The following GTF2I variants were observed in gnomAD, a reference collection of about 807,000 sequenced individuals.
GTF2I encodes general transcription factor IIi.
A neutral mutation model predicts 67.6 loss-of-function variants in GTF2I; 12 were observed. The ratio of observed to expected loss-of-function variants is 0.18; its 90% CI spans 0.11 to 0.29. GTF2I has a LOEUF of 0.29. Ranked by LOEUF, GTF2I falls within the 10% of genes least tolerant of loss-of-function variation. The pLI is 1.00. For missense variants in GTF2I, 271 were observed against 580.1 expected (o/e 0.47, Z 5.47); for synonymous variants, 149 against 197.0 (o/e 0.76, Z 2.04).
At chr7:74,698,464 G>C (rs1584178821) in intron 3 of GTF2I, among the ~76,000 whole-genome samples, 1 of 141,846 alleles carries the variant, frequency 7.0e-6, no homozygotes, top group Admixed American at 7.5e-5. Context: ...GGAGTGCTGT[G>C]GTATGTTCTC....
chr7:74,705,208 C>A lies in GTF2I; in HGVS notation c.631C>A (p.Pro211Thr), dbSNP rs1554401032. The change falls in exon 7 of 35, where the codon CCA becomes ACA. Residue 211 changes from proline to threonine, a missense_variant. Around this residue, in one of 9 missense-constraint regions of GTF2I, gnomAD observed 124 missense variants for 147.0 expected, o/e 0.84. Coordinates refer to ENST00000573035, the MANE Select transcript of GTF2I (RefSeq NM_032999.4). ...VTDADRSILSPGGSCGPIKVK... is the reference protein window; with the variant it reads ...VTDADRSILSTGGSCGPIKVK... ...AGATGCTGACAGGTCAATACTATCT[C>A]CAGGTGGAAGGTAAAACCTAATTTC... is the stretch of plus-strand genomic sequence containing the variant. 1 of 1,595,486 alleles carries A rather than the reference C, an allele frequency of 6.3e-7. No homozygotes were observed. The highest frequency in any genetic ancestry group is 8.6e-7 in the Non-Finnish European group (1 of 1,163,734).
intron 1 of GTF2I, among the ~76,000 whole-genome samples, chr7:74,675,017 C>T (rs1805775485): frequency 6.6e-6 from 1 of 151,602 alleles, no homozygotes; most frequent in African/African-American, 2.4e-5. Flanking sequence ...CACACCCAGC[C>T]AATTTTTGTA....
At chr7:74,701,386 T>C (rs1789721705) in intron 6 of GTF2I, among the ~76,000 whole-genome samples, 1 of 152,216 alleles carries the variant, frequency 6.6e-6, no homozygotes, top group African/African-American at 2.4e-5. Context: ...AACCTTTGTC[T>C]TATTCTCATT....
Position 74,718,896 on chromosome 7 carries a change from C to A in GTF2I, c.898C>A (p.Pro300Thr). 6.4e-7 allele frequency: 1 copy of A among 1,554,230 alleles called. No homozygotes were observed. ...VPAEDSTQHV[P>T]SETSEDPEVE... ...TTTTCAAGATTCTACTCAACATGTC[C>A]CTTCAGAAACAAGTGAGGACCCTGA... Residue 300 changes from proline to threonine, a missense_variant, in exon 12 of 35, where the codon CCT becomes ACT. Physicochemically the swap from Pro to Thr is conservative, Grantham distance 38. This residue lies in a region of GTF2I where 124 missense variants were observed against 147.0 expected (regional missense o/e 0.84). Transcript: ENST00000573035.
chr7:74,698,389 C>CTT (rs67968753), intron 3 of GTF2I, among the ~76,000 whole-genome samples: 7 of 55,890 alleles, frequency 1.3e-4, no homozygotes, highest in Non-Finnish European at 2.0e-4. Flanking sequence ...CGCACCTGGC[C>CTT]TTTTTTTTTT....
At chr7:74,683,167 CAT>C (rs1442233665) in intron 1 of GTF2I, among the ~76,000 whole-genome samples, 1 of 151,366 alleles carries the variant, frequency 6.6e-6, no homozygotes, top group East Asian at 1.9e-4. Context: ...GAATGACAGA[CAT>C]ATGTTTAATA....
chr7:74,677,967 C>G (rs978110901), intron 1 of GTF2I, among the ~76,000 whole-genome samples: 2 of 151,926 alleles, frequency 1.3e-5, no homozygotes, highest in Non-Finnish European at 2.9e-5. Context: ...GCAGACTCAC[C>G]GCTGTAGTCC....
intron 3 of GTF2I, among the ~76,000 whole-genome samples, 165 bp downstream of exon 3, chr7:74,691,276 G>A (rs1242372062): frequency 6.9e-6 from 1 of 144,004 alleles, no homozygotes; most frequent in Non-Finnish European, 1.5e-5. Context: ...GCACACTCTT[G>A]GCTCACCACA....
At chr7:74,678,933 G>A (rs1554393259) in intron 1 of GTF2I, among the ~76,000 whole-genome samples, 2 of 150,486 alleles carry the variant, frequency 1.3e-5, no homozygotes, top group Non-Finnish European at 3.0e-5. Flanking sequence ...CACCATGCCT[G>A]GCTAATTTTT....
intron 1 of GTF2I, among the ~76,000 whole-genome samples, chr7:74,660,176 T>G (rs937164437): frequency 1.3e-5 from 2 of 151,606 alleles, no homozygotes; most frequent in Admixed American, 1.3e-4. Flanking sequence ...CCTTAAGGTC[T>G]TCTCTTTTTT....
intron 1 of GTF2I, among the ~76,000 whole-genome samples, chr7:74,680,820 C>A (rs1206437993): frequency 1.3e-5 from 2 of 151,972 alleles, no homozygotes; most frequent in Non-Finnish European, 2.9e-5. Context: ...GAAGTACAGA[C>A]AAAAAGAAAA....
chr7:74,685,597 T>C (rs1562948831), intron 1 of GTF2I, among the ~76,000 whole-genome samples: 1 of 151,934 alleles, frequency 6.6e-6, no homozygotes, highest in African/African-American at 2.4e-5. Context: ...CGAAACTCCA[T>C]CTCTACTAAA....
rs1225904374 is a variant in GTF2I at position 74,680,079 on chromosome 7, C to CAA, written c.-5-9025_-5-9024dup. Among the ~76,000 whole-genome samples, 296 of 30,530 alleles carry CAA rather than the reference C, an allele frequency of 9.7e-3. 7 individuals carry two copies. The highest frequency in any genetic ancestry group is 0.025 in the African/African-American group (183 of 7,334). 20.0% of individuals were successfully genotyped at this position (30,530 alleles called of 152,430 possible). A position where few individuals can be genotyped will look rare whatever the true frequency, so the allele number is the denominator to read the frequency against. On this transcript the variant is annotated intron_variant, in intron 1 of 34. Coordinates refer to ENST00000573035, the MANE Select transcript of GTF2I (RefSeq NM_032999.4). Reference sequence around the variant, plus strand: ...GGGTGACAAGAGCCAGAGTCCATCTCAAAAAAAAAAAAAAAAAAAAATATA... The same window carrying CAA: ...GGGTGACAAGAGCCAGAGTCCATCTCAAAAAAAAAAAAAAAAAAAAAAATATA...
intron 1 of GTF2I, among the ~76,000 whole-genome samples, chr7:74,685,934 TC>T (rs1345174270): frequency 6.6e-6 from 1 of 152,090 alleles, no homozygotes; most frequent in Non-Finnish European, 1.5e-5. Flanking sequence ...GCGCCTGTAG[TC>T]CCAGCTACTC....
chr7:74,696,493 ATTTT>A (rs782445780), intron 3 of GTF2I, among the ~76,000 whole-genome samples: 3 of 137,904 alleles, frequency 2.2e-5, no homozygotes, highest in Non-Finnish European at 4.7e-5. Flanking sequence ...CACTCGGCTA[ATTTT>A]TTTTTTTTTT....
chr7:74,665,028 C>T (rs1804848852), intron 1 of GTF2I, among the ~76,000 whole-genome samples: 2 of 151,744 alleles, frequency 1.3e-5, no homozygotes, highest in Non-Finnish European at 2.9e-5. Flanking sequence ...CAATCTCCGC[C>T]TACTGGGTTC....
intron 12 of GTF2I, among the ~76,000 whole-genome samples, chr7:74,723,428 C>CCTTTTTTTTTTTTTTTTTTT (rs1793319970): frequency 1.6e-5 from 1 of 61,090 alleles, no homozygotes; most frequent in African/African-American, 8.3e-5. Context: ...CTCCCGGCCT[C>CCTTTTTTTTTTTTTTTTTTT]TTTTTTTTTT....
intron 8 of GTF2I, 123 bp downstream of exon 8, chr7:74,706,556 G>A: frequency 1.4e-6 from 1 of 700,982 alleles, no homozygotes; most frequent in Non-Finnish European, 2.5e-6. Flanking sequence ...CACTACTAAT[G>A]TATTCCAACT....
chr7:74,695,332 G>C (rs1210981897), intron 3 of GTF2I, among the ~76,000 whole-genome samples: 2 of 152,152 alleles, frequency 1.3e-5, no homozygotes, highest in Admixed American at 1.3e-4. Flanking sequence ...TCTACCGTGG[G>C]TGAAATGCTA....
Sources: gnomAD v4.1 joint callset for allele counts (sites outside exome capture counted in the v4.1 genomes callset) on GRCh38, gnomAD v4.1.1 for gene constraint, gnomAD v4.1.1 regional missense constraint, MANE v1.5 for transcripts, NCBI Gene and HGNC (gene_info 2026-07-23, HGNC 2026-07-21) for gene names.